Variants in AFG2A observed in about 807,000 individuals in gnomAD.
The protein encoded by AFG2A is ATPase family gene 2 protein homolog A.
the AFG2A span, among the ~76,000 whole-genome samples, chr4:122,945,494 G>T: frequency 4.6e-5 from 7 of 152,338 alleles, no homozygotes; most frequent in East Asian, 1.2e-3. Context: ...TAAGCCCATC[G>T]GAAAAGCGCG....
chr4:123,235,734 C>T, the AFG2A span, among the ~76,000 whole-genome samples: 2 of 152,116 alleles, frequency 1.3e-5, no homozygotes, highest in African/African-American at 4.8e-5. Context: ...GTTCTCAGTG[C>T]CCAGGGACTA....
chr4:123,169,829 ACATCTGT>A, the AFG2A span, among the ~76,000 whole-genome samples: 1 of 152,144 alleles, frequency 6.6e-6, no homozygotes, highest in South Asian at 2.1e-4. Context: ...AAACAAGCAG[ACATCTGT>A]AATATATGTA....
At chr4:122,982,997 A>G in the AFG2A span, among the ~76,000 whole-genome samples, 11 of 147,616 alleles carry the variant, frequency 7.5e-5, no homozygotes, top group African/African-American at 2.7e-4. Context: ...CCTCCTGAGT[A>G]GCTGGGATTA....
At chr4:123,075,896 G>T in the AFG2A span, among the ~76,000 whole-genome samples, 4 of 151,218 alleles carry the variant, frequency 2.6e-5, no homozygotes, top group Non-Finnish European at 4.4e-5. Flanking sequence ...GGCAGAGGTT[G>T]CAGTGAGCCG....
At chr4:123,063,818 G>T in the AFG2A span, among the ~76,000 whole-genome samples, 11 of 151,920 alleles carry the variant, frequency 7.2e-5, no homozygotes, top group South Asian at 2.3e-3. Flanking sequence ...ATTGAGCAAA[G>T]AATCATGATA....
chr4:123,035,262 T>C, the AFG2A span, among the ~76,000 whole-genome samples: 1 of 152,220 alleles, frequency 6.6e-6, no homozygotes, highest in Non-Finnish European at 1.5e-5. Context: ...TTCATGCCTT[T>C]TGTGGATCCT....
chr4:123,259,274 C>G, the AFG2A span, among the ~76,000 whole-genome samples: 1 of 152,186 alleles, frequency 6.6e-6, no homozygotes, highest in Non-Finnish European at 1.5e-5. Context: ...AAAGCTTAGA[C>G]CAGCTCAGTG....
the AFG2A span, chr4:123,057,387 T>TA: frequency 7.8e-7 from 1 of 1,284,792 alleles, no homozygotes; most frequent in Admixed American, 2.3e-5. Flanking sequence ...AACTTTTATC[T>TA]ATTAATACAT....
chr4:122,933,912 T>G, the AFG2A span, among the ~76,000 whole-genome samples: 1 of 152,250 alleles, frequency 6.6e-6, no homozygotes, highest in Non-Finnish European at 1.5e-5. Context: ...GAGAATCATT[T>G]CCTTCTGTCT....
At chr4:123,297,204 A>G in the AFG2A span, among the ~76,000 whole-genome samples, 2 of 152,210 alleles carry the variant, frequency 1.3e-5, no homozygotes, top group African/African-American at 4.8e-5. Context: ...TTTAACACAA[A>G]GATAGCATTT....
the AFG2A span, among the ~76,000 whole-genome samples, chr4:122,953,383 G>A: frequency 6.6e-6 from 1 of 152,136 alleles, no homozygotes; most frequent in Admixed American, 6.5e-5. Context: ...TAGCCCCTTG[G>A]AACCAACGAA....
chr4:122,957,895 A>G, the AFG2A span, among the ~76,000 whole-genome samples: 2 of 151,864 alleles, frequency 1.3e-5, no homozygotes, highest in Admixed American at 1.3e-4. Flanking sequence ...GACTTCTGGT[A>G]TATTATAGGT....
At chr4:122,981,570 A>G in the AFG2A span, among the ~76,000 whole-genome samples, 7 of 150,840 alleles carry the variant, frequency 4.6e-5, no homozygotes, top group Admixed American at 4.6e-4. Flanking sequence ...ATGCCATTGG[A>G]ATTTTGGTAG....
At chr4:123,075,135 G>A in the AFG2A span, among the ~76,000 whole-genome samples, 53 of 151,778 alleles carry the variant, frequency 3.5e-4, no homozygotes, top group African/African-American at 1.3e-3. Context: ...CAGTAGAGAC[G>A]GGGTTTCACC....
the AFG2A span, among the ~76,000 whole-genome samples, chr4:123,283,423 T>C: frequency 1.3e-5 from 2 of 152,030 alleles, no homozygotes; most frequent in Non-Finnish European, 2.9e-5. Flanking sequence ...CTGCTGTATG[T>C]TCCAAGTAAA....
chr4:122,940,888 G>A, the AFG2A span, among the ~76,000 whole-genome samples: 1 of 150,944 alleles, frequency 6.6e-6, no homozygotes, highest in Non-Finnish European at 1.5e-5. Flanking sequence ...ATTAAATAGG[G>A]AATCCTTTCC....
At chr4:122,942,164 G>T in the AFG2A span, among the ~76,000 whole-genome samples, 2 of 150,890 alleles carry the variant, frequency 1.3e-5, no homozygotes, top group African/African-American at 2.4e-5. Flanking sequence ...AGTTAGGGAG[G>T]ATTCCCTCTT....
At chr4:123,095,049 A>ATATATATG in the AFG2A span, among the ~76,000 whole-genome samples, 440 of 42,410 alleles carry the variant, frequency 0.01, 1 homozygote, top group South Asian at 0.047. Flanking sequence ...AAAAATATAT[A>ATATATATG]TATATATATA....
At chr4:122,984,738 G>A in the AFG2A span, among the ~76,000 whole-genome samples, 1 of 152,294 alleles carries the variant, frequency 6.6e-6, no homozygotes, top group Non-Finnish European at 1.5e-5. Flanking sequence ...TTCTGTTTAT[G>A]TGGTGTATCA....
Sources: gnomAD v4.1 joint callset for allele counts (sites outside exome capture counted in the v4.1 genomes callset) on GRCh38, gnomAD v4.1.1 for gene constraint, MANE v1.5 for transcripts, NCBI Gene and HGNC (gene_info 2026-07-23, HGNC 2026-07-21) for gene names.